The following ZFHX3 variants were observed in gnomAD, a reference collection of about 807,000 sequenced individuals.
ZFHX3 encodes zinc finger homeobox protein 3.
Under a neutral mutation model 279.1 loss-of-function variants are expected in ZFHX3, and 42 were observed. The observed-to-expected ratio is 0.15, with a 90% CI of 0.12 to 0.19. The LOEUF is 0.19. Ranked by LOEUF, ZFHX3 falls within the 10% of genes least tolerant of loss-of-function variation. The pLI, the probability that ZFHX3 is intolerant of heterozygous loss-of-function variation, is 1.00. For synonymous variants in ZFHX3, 2,293 were observed against 1,957.8 expected (o/e 1.17, Z -4.52); for missense variants, 4,981 against 4,754.0 (o/e 1.05, Z -1.40).
intron 4 of ZFHX3, among the ~76,000 whole-genome samples, chr16:73,300,941 G>A (rs1446457380): frequency 6.6e-6 from 1 of 152,224 alleles, no homozygotes; most frequent in East Asian, 1.9e-4. Flanking sequence ...TTGGAGAGCT[G>A]ATAAGATCGG....
chr16:72,888,411 A>G (rs1487715925), intron 4 of ZFHX3, among the ~76,000 whole-genome samples: 2 of 152,256 alleles, frequency 1.3e-5, no homozygotes, highest in South Asian at 2.1e-4. Context: ...GGTGGGACCA[A>G]TGAGATGTCC....
At chr16:73,329,155 T>G (rs2015750111) in intron 3 of ZFHX3, among the ~76,000 whole-genome samples, 3 of 152,246 alleles carry the variant, frequency 2.0e-5, no homozygotes, top group Admixed American at 2.0e-4. Context: ...GAGTAGGTTT[T>G]GCTCTGCTGT....
intron 5 of ZFHX3, among the ~76,000 whole-genome samples, chr16:73,219,743 TC>T (rs1389700251): frequency 6.6e-6 from 1 of 152,108 alleles, no homozygotes; most frequent in Non-Finnish European, 1.5e-5. Flanking sequence ...GAAGGCTGCC[TC>T]CCCCAGTCAG....
At chr16:73,275,770 CTG>C (rs2014279599) in intron 4 of ZFHX3, among the ~76,000 whole-genome samples, 1 of 152,330 alleles carries the variant, frequency 6.6e-6, no homozygotes, top group South Asian at 2.1e-4. Flanking sequence ...CTTGGAAAAA[CTG>C]TGCAAATACA....
At chr16:72,901,428 A>G (rs952803211) in intron 3 of ZFHX3, among the ~76,000 whole-genome samples, 2 of 152,182 alleles carry the variant, frequency 1.3e-5, no homozygotes, top group African/African-American at 4.8e-5. Flanking sequence ...ATAATGAGAG[A>G]AGACAGGGCA....
At position 73,722,709 on chromosome 16, in the gene ZFHX3, C is replaced by T. The variant is rs576328037; in HGVS notation, c.-1607-42469G>A. Among the ~76,000 whole-genome samples, 341 of 152,138 alleles carry T rather than the reference C, an allele frequency of 2.2e-3. 1 individual carries two copies. Among genetic ancestry groups the T allele is most frequent in the African/African-American group, 7.8e-3 (322 of 41,502 alleles). On this transcript the variant is annotated intron_variant, in intron 1 of 17. Transcript: ENST00000641206. ...ATGACACATTTAATGAAACTGCCTC[C>T]AATGATATGGGTAAGAAGGGCTCAC... is the stretch of plus-strand genomic sequence containing the variant.
At chr16:73,783,865 CT>C in intron 1 of ZFHX3, among the ~76,000 whole-genome samples, 2 of 152,140 alleles carry the variant, frequency 1.3e-5, no homozygotes, top group African/African-American at 4.8e-5. Flanking sequence ...TAGAGTTGTC[CT>C]CAGCACTGAG....
chr16:72,885,181 C>T (rs182264782), intron 4 of ZFHX3, among the ~76,000 whole-genome samples: 20 of 152,314 alleles, frequency 1.3e-4, no homozygotes, highest in Non-Finnish European at 2.4e-4. Flanking sequence ...GACAATTTAC[C>T]ACAGGACTCG....
At chr16:73,388,149 G>A (rs563578046) in intron 3 of ZFHX3, among the ~76,000 whole-genome samples, 112 of 152,148 alleles carry the variant, frequency 7.4e-4, no homozygotes, top group Non-Finnish European at 1.1e-3. Context: ...CTCCTTGGAT[G>A]TGACAAAATG....
chr16:72,905,671 T>C (rs1219086582), intron 3 of ZFHX3, among the ~76,000 whole-genome samples: 2 of 152,192 alleles, frequency 1.3e-5, no homozygotes, highest in South Asian at 2.1e-4. Flanking sequence ...ATAAAAAGAA[T>C]GTGGTACATA....
intron 2 of ZFHX3, among the ~76,000 whole-genome samples, chr16:73,667,975 T>C (rs2052862350): frequency 6.6e-6 from 1 of 152,194 alleles, no homozygotes; most frequent in Non-Finnish European, 1.5e-5. Flanking sequence ...GCACTTACAA[T>C]TCCTCATTTA....
intron 5 of ZFHX3, among the ~76,000 whole-genome samples, chr16:73,233,305 T>G (rs1160260343): frequency 6.6e-6 from 1 of 151,888 alleles, no homozygotes; most frequent in East Asian, 1.9e-4. Flanking sequence ...GGGTATACAG[T>G]GATGTCATAC....
At chr16:73,783,210 G>A (rs1445635220) in intron 1 of ZFHX3, among the ~76,000 whole-genome samples, 1 of 152,186 alleles carries the variant, frequency 6.6e-6, no homozygotes, top group African/African-American at 2.4e-5. Context: ...ACTAGTTAAT[G>A]TGCTTATAAA....
intron 2 of ZFHX3, among the ~76,000 whole-genome samples, chr16:73,669,166 G>C (rs1472835206): frequency 1.3e-5 from 2 of 151,638 alleles, no homozygotes; most frequent in Non-Finnish European, 2.9e-5. Context: ...CAATTCTCCT[G>C]TCTCAGCCTT....
chr16:73,150,474 G>C (rs4405578), intron 5 of ZFHX3, among the ~76,000 whole-genome samples: 72,329 of 151,976 alleles, frequency 0.48, 18,173 homozygotes, highest in Middle Eastern at 0.65. Context: ...ACATTGTTTT[G>C]CATATCAAAT....
intron 1 of ZFHX3, among the ~76,000 whole-genome samples, chr16:73,044,388 G>T (rs1282073456): frequency 6.6e-6 from 1 of 152,278 alleles, no homozygotes; most frequent in African/African-American, 2.4e-5. Context: ...CAGGCTAACA[G>T]CAAGCAATCA....
chr16:73,742,937 T>G (rs1251810438), intron 1 of ZFHX3, among the ~76,000 whole-genome samples: 2 of 152,214 alleles, frequency 1.3e-5, no homozygotes, highest in Non-Finnish European at 2.9e-5. Context: ...TTGTCATTAT[T>G]TATGTCATCA....
At chr16:73,665,882 C>T (rs2052835515) in intron 2 of ZFHX3, among the ~76,000 whole-genome samples, 1 of 146,014 alleles carries the variant, frequency 6.8e-6, no homozygotes, top group Non-Finnish European at 1.5e-5. Flanking sequence ...ACTCTGTCGC[C>T]CAGGCTCACT....
At chr16:73,784,113 T>C (rs746124565) in intron 1 of ZFHX3, among the ~76,000 whole-genome samples, 1 of 151,380 alleles carries the variant, frequency 6.6e-6, no homozygotes, top group Non-Finnish European at 1.5e-5. Context: ...TTTGGAGAGA[T>C]GGCAGGCAAA....
Sources: gnomAD v4.1 joint callset for allele counts (sites outside exome capture counted in the v4.1 genomes callset) on GRCh38, gnomAD v4.1.1 for gene constraint, MANE v1.5 for transcripts, NCBI Gene and HGNC (gene_info 2026-07-23, HGNC 2026-07-21) for gene names.